The following NTNG1 variants were observed in gnomAD, a reference collection of about 807,000 sequenced individuals.
NTNG1 encodes netrin-G1.
A neutral mutation model predicts 54.0 loss-of-function variants in NTNG1; 16 were observed. The ratio of observed to expected loss-of-function variants is 0.30; its 90% CI spans 0.20 to 0.45. NTNG1 has a LOEUF of 0.45. Ranked by LOEUF, NTNG1 falls within the 20% of genes least tolerant of loss-of-function variation. The pLI is 1.00. For synonymous variants in NTNG1, 255 were observed against 263.1 expected (o/e 0.97, Z 0.30); for missense variants, 530 against 678.7 (o/e 0.78, Z 2.43).
intron 3 of NTNG1, among the ~76,000 whole-genome samples, chr1:107,388,994 G>A (rs1672193477): frequency 6.6e-6 from 1 of 152,236 alleles, no homozygotes; most frequent in Admixed American, 6.5e-5. Context: ...GGCGCAAGCA[G>A]AGGATGATCC....
Position 107,324,595 on chromosome 1 carries a change from A to G in NTNG1, c.560A>G (p.His187Arg), listed in dbSNP as rs769974241. 6.2e-7 allele frequency: 1 copy of G among 1,613,680 alleles called. No homozygotes were observed. The highest frequency in any genetic ancestry group is 2.2e-5 in the East Asian group (1 of 44,822). ...YYATDCLDAF[H>R]MDPKSVKDLS... Reference sequence around the variant, plus strand: ...GCCACAGACTGCTTAGATGCTTTTCACATGGATCCTAAATCCGTGAAGGAT... The same window carrying G: ...GCCACAGACTGCTTAGATGCTTTTCGCATGGATCCTAAATCCGTGAAGGAT... Residue 187 changes from histidine to arginine, a missense_variant, in exon 3 of 8, where the codon CAC (histidine) becomes CGC (arginine). Around this residue, in one of 2 missense-constraint regions of NTNG1, gnomAD observed 318 missense variants for 465.1 expected, o/e 0.68. Transcript: ENST00000370068.
intron 7 of NTNG1, among the ~76,000 whole-genome samples, chr1:107,468,299 C>A (rs991003147): frequency 3.3e-5 from 5 of 152,084 alleles, no homozygotes; most frequent in Non-Finnish European, 7.4e-5. Flanking sequence ...CAAACAGGAA[C>A]CTCAAATTAT....
At chr1:107,454,214 G>A (rs1435792100) in intron 7 of NTNG1, among the ~76,000 whole-genome samples, 2 of 152,144 alleles carry the variant, frequency 1.3e-5, no homozygotes, top group Non-Finnish European at 2.9e-5. Flanking sequence ...AGCAGTGACT[G>A]ACAAGGCTTA....
intron 7 of NTNG1, among the ~76,000 whole-genome samples, chr1:107,477,991 A>G (rs542477324): frequency 3.7e-4 from 56 of 152,262 alleles, no homozygotes; most frequent in Non-Finnish European, 1.5e-4. Context: ...TATTTCTTTT[A>G]TTTTCTTTGC....
At chr1:107,185,957 A>G (rs1174423862) in intron 2 of NTNG1, among the ~76,000 whole-genome samples, 1 of 152,122 alleles carries the variant, frequency 6.6e-6, no homozygotes, top group East Asian at 1.9e-4. Context: ...TTGGGCTTTT[A>G]GTGCAACCAG....
chr1:107,301,195 T>C (rs1413161367), intron 2 of NTNG1, among the ~76,000 whole-genome samples: 3 of 152,188 alleles, frequency 2.0e-5, no homozygotes, highest in Admixed American at 6.6e-5. Flanking sequence ...TAGATTTATT[T>C]TGATTATTAA....
intron 5 of NTNG1, among the ~76,000 whole-genome samples, chr1:107,417,440 C>T (rs1350724780): frequency 1.3e-5 from 2 of 152,118 alleles, no homozygotes; most frequent in African/African-American, 2.4e-5. Context: ...TACCTGTTTA[C>T]AGTAGCATAG....
At chr1:107,216,207 G>C (rs548878786) in intron 2 of NTNG1, among the ~76,000 whole-genome samples, 2 of 152,220 alleles carry the variant, frequency 1.3e-5, no homozygotes, top group South Asian at 4.1e-4. Flanking sequence ...GTGAAAGTGG[G>C]CATCCTTGTC....
chr1:107,192,261 T>G (rs1470399280), intron 2 of NTNG1, among the ~76,000 whole-genome samples: 1 of 151,854 alleles, frequency 6.6e-6, no homozygotes, highest in Non-Finnish European at 1.5e-5. Flanking sequence ...TTGTACCATC[T>G]TACACTCTAC....
At chr1:107,428,987 T>A (rs141954220) in intron 5 of NTNG1, among the ~76,000 whole-genome samples, 4 of 152,272 alleles carry the variant, frequency 2.6e-5, no homozygotes, top group African/African-American at 9.6e-5. Context: ...GGAGTCTCAA[T>A]GCCACCTTCT....
At chr1:107,140,993 C>G (rs1653618361), upstream of NTNG1, 1 of 152,564 alleles carries the variant, frequency 6.6e-6, no homozygotes, top group African/African-American at 2.4e-5. Flanking sequence ...CTCCGCCCAC[C>G]CTTACTCCCT....
intron 2 of NTNG1, among the ~76,000 whole-genome samples, chr1:107,283,907 T>C (rs892040490): frequency 1.3e-5 from 2 of 152,180 alleles, no homozygotes; most frequent in Non-Finnish European, 2.9e-5. Context: ...TTTTGGCATA[T>C]TGCTATATCT....
At chr1:107,165,035 G>A (rs556785904) in intron 2 of NTNG1, among the ~76,000 whole-genome samples, 4 of 152,188 alleles carry the variant, frequency 2.6e-5, no homozygotes, top group East Asian at 1.9e-4. Context: ...GTAGTTTGGC[G>A]GGAAGGGCGG....
At chr1:107,215,799 C>T (rs1308501299) in intron 2 of NTNG1, among the ~76,000 whole-genome samples, 1 of 151,352 alleles carries the variant, frequency 6.6e-6, no homozygotes, top group Admixed American at 6.6e-5. Flanking sequence ...TTGCTTGTGT[C>T]ATCTATGATT....
chr1:107,395,212 G>C lies in NTNG1; in HGVS notation c.946G>C (p.Glu316Gln). The C allele has an allele frequency of 6.2e-7, 1 of 1,613,386 alleles. No individual in the cohort carries two copies. Among genetic ancestry groups the C allele is most frequent in the Non-Finnish European group, 8.5e-7 (1 of 1,179,498 alleles). The change falls in exon 4 of 8, where the codon GAA becomes CAA. Residue 316 changes from glutamate (E) to glutamine (Q), a missense_variant. Physicochemically the swap from Glu to Gln is conservative, Grantham distance 29. Transcript: ENST00000370068. ...GTATGACAACAGCAAATTGACATGC[G>C]AATGTGAGCACAACACTACAGGTCC... ...CVYDNSKLTC[E>Q]CEHNTTGPDC...
intron 2 of NTNG1, 42 bp downstream of exon 2, chr1:107,148,881 G>T (rs758008001): frequency 3.1e-6 from 5 of 1,587,606 alleles, no homozygotes; most frequent in African/African-American, 1.3e-5. Context: ...TATAAATAGG[G>T]TCTAATCGCA....
chr1:107,335,607 A>G (rs182506523), intron 3 of NTNG1, among the ~76,000 whole-genome samples: 106 of 152,154 alleles, frequency 7.0e-4, no homozygotes, highest in African/African-American at 2.4e-3. Flanking sequence ...CAACACAAAT[A>G]TAGTTGGCTA....
intron 5 of NTNG1, among the ~76,000 whole-genome samples, chr1:107,415,866 C>A (rs965249519): frequency 2.0e-5 from 3 of 152,036 alleles, no homozygotes; most frequent in Non-Finnish European, 4.4e-5. Flanking sequence ...AAAGTAGCCT[C>A]TAATATGCTT....
chr1:107,358,264 T>G (rs536907968), intron 3 of NTNG1, among the ~76,000 whole-genome samples: 1 of 152,286 alleles, frequency 6.6e-6, no homozygotes, highest in East Asian at 1.9e-4. Context: ...CTACTTGAGT[T>G]ATTTTAAAAA....
Sources: allele counts gnomAD v4.1 joint callset (sites outside exome capture counted in the v4.1 genomes callset), GRCh38; gene constraint gnomAD v4.1.1; regional missense constraint gnomAD v4.1.1; transcripts MANE v1.5; gene names NCBI Gene and HGNC (gene_info 2026-07-23, HGNC 2026-07-21).